ZNF804B: variants seen among roughly 807,000 people sequenced by gnomAD.
The protein encoded by ZNF804B is zinc finger protein 804B, also known as zinc finger 804B.
A neutral mutation model predicts 101.4 loss-of-function variants in ZNF804B; 80 were observed. That is an observed-to-expected ratio of 0.79 (90% CI 0.66 to 0.95). The LOEUF is 0.95. Among genes scored for constraint, ZNF804B ranks in the 40% least tolerant of loss-of-function variants. ZNF804B has a pLI of 0.00. For missense variants in ZNF804B, 1,673 were observed against 1,561.9 expected (o/e 1.07, Z -1.20); for synonymous variants, 622 against 558.8 (o/e 1.11, Z -1.59).
intron 1 of ZNF804B, among the ~76,000 whole-genome samples, chr7:89,067,992 G>A (rs191114699): frequency 6.6e-6 from 1 of 150,806 alleles, no homozygotes; most frequent in Admixed American, 6.6e-5. Context: ...CTTTTTTTGA[G>A]AGTGTTTATG....
At chr7:88,951,956 G>A (rs1006034623) in intron 1 of ZNF804B, among the ~76,000 whole-genome samples, 6 of 151,784 alleles carry the variant, frequency 4.0e-5, no homozygotes, top group African/African-American at 1.5e-4. Flanking sequence ...TATCCAGCTG[G>A]TAGTGGGTGG....
At chr7:88,850,592 G>A (rs975843508) in intron 1 of ZNF804B, among the ~76,000 whole-genome samples, 1 of 151,926 alleles carries the variant, frequency 6.6e-6, no homozygotes, top group Admixed American at 6.6e-5. Flanking sequence ...CCCCAGTGGG[G>A]CAAAATTTAC....
intron 1 of ZNF804B, among the ~76,000 whole-genome samples, chr7:89,197,405 A>G (rs939475771): frequency 6.6e-6 from 1 of 151,960 alleles, no homozygotes; most frequent in Non-Finnish European, 1.5e-5. Flanking sequence ...TGAAAATAAA[A>G]GTGACACTAC....
chr7:89,018,247 G>A (rs981342927), intron 1 of ZNF804B, among the ~76,000 whole-genome samples: 2 of 151,858 alleles, frequency 1.3e-5, no homozygotes, highest in Non-Finnish European at 2.9e-5. Context: ...GTTATCAAAT[G>A]TTTCTGCATC....
At chr7:89,029,023 G>C (rs975031189) in intron 1 of ZNF804B, among the ~76,000 whole-genome samples, 6 of 152,178 alleles carry the variant, frequency 3.9e-5, no homozygotes, top group Non-Finnish European at 7.3e-5. Flanking sequence ...CTATGAGCTT[G>C]ACATAGAACC....
chr7:89,170,791 A>G (rs963454577), intron 1 of ZNF804B, among the ~76,000 whole-genome samples: 49 of 152,240 alleles, frequency 3.2e-4, no homozygotes, highest in African/African-American at 1.1e-3. Flanking sequence ...TCTCCCCTAC[A>G]GGTGCCACCA....
intron 2 of ZNF804B, among the ~76,000 whole-genome samples, chr7:89,227,247 C>T (rs544318830): frequency 2.2e-4 from 34 of 152,292 alleles, no homozygotes; most frequent in African/African-American, 7.9e-4. Context: ...ATTCTACCCT[C>T]GCAGTTGATT....
intron 2 of ZNF804B, among the ~76,000 whole-genome samples, chr7:89,271,179 T>C (rs1406167052): frequency 6.6e-6 from 1 of 152,208 alleles, no homozygotes; most frequent in Non-Finnish European, 1.5e-5. Context: ...TTTTTGCTTA[T>C]TCAGTATGAT....
intron 1 of ZNF804B, among the ~76,000 whole-genome samples, chr7:89,196,245 A>G (rs377166373): frequency 3.1e-4 from 47 of 152,204 alleles, no homozygotes; most frequent in African/African-American, 1.1e-3. Flanking sequence ...TTTGGAAATA[A>G]GGCCACACAC....
At chr7:89,175,366 T>A (rs10265686) in intron 1 of ZNF804B, among the ~76,000 whole-genome samples, 7,291 of 152,154 alleles carry the variant, frequency 0.048, 555 homozygotes, top group African/African-American at 0.16. Context: ...GGCACCTTTG[T>A]CGAAAATGAG....
At chr7:89,035,986 G>T (rs1788920907) in intron 1 of ZNF804B, among the ~76,000 whole-genome samples, 1 of 137,974 alleles carries the variant, frequency 7.2e-6, no homozygotes. Flanking sequence ...TTGTAGTATA[G>T]TATATATTAT....
intron 1 of ZNF804B, among the ~76,000 whole-genome samples, chr7:88,955,649 A>G (rs529945913): frequency 6.6e-6 from 1 of 151,790 alleles, no homozygotes; most frequent in African/African-American, 2.4e-5. Flanking sequence ...AGACTCATCT[A>G]GTTAAAATAC....
intron 1 of ZNF804B, among the ~76,000 whole-genome samples, chr7:88,991,130 G>T (rs1302867731): frequency 6.6e-6 from 1 of 152,082 alleles, no homozygotes; most frequent in Non-Finnish European, 1.5e-5. Context: ...ACTACTTTTA[G>T]GTACAGAGGA....
chr7:89,016,456 T>C (rs1203059654), intron 1 of ZNF804B, among the ~76,000 whole-genome samples: 12 of 151,574 alleles, frequency 7.9e-5, no homozygotes, highest in Non-Finnish European at 1.8e-4. Context: ...TCTTCTAGGG[T>C]TTTTATGGTT....
intron 2 of ZNF804B, among the ~76,000 whole-genome samples, chr7:89,294,464 T>C (rs992356686): frequency 2.6e-5 from 4 of 152,182 alleles, no homozygotes; most frequent in African/African-American, 4.8e-5. Flanking sequence ...TTGGGTTTGT[T>C]TGTTCAGTGT....
chr7:88,859,919 A>C, intron 1 of ZNF804B, among the ~76,000 whole-genome samples: 1 of 151,886 alleles, frequency 6.6e-6, no homozygotes, highest in Non-Finnish European at 1.5e-5. Context: ...TATGTACTTC[A>C]AAAAGAATAA....
intron 1 of ZNF804B, among the ~76,000 whole-genome samples, chr7:88,883,511 C>G (rs1305262874): frequency 6.6e-6 from 1 of 152,126 alleles, no homozygotes; most frequent in Non-Finnish European, 1.5e-5. Flanking sequence ...TGTCCAAGCT[C>G]TTTTCCCCTT....
chr7:88,896,457 G>A (rs1424392370), intron 1 of ZNF804B, among the ~76,000 whole-genome samples: 5 of 152,058 alleles, frequency 3.3e-5, no homozygotes, highest in African/African-American at 7.2e-5. Context: ...TGGCAGGGGA[G>A]GGAAAGAAAT....
intron 1 of ZNF804B, among the ~76,000 whole-genome samples, chr7:89,206,953 C>G (rs1788723291): frequency 6.6e-6 from 1 of 152,186 alleles, no homozygotes; most frequent in Non-Finnish European, 1.5e-5. Flanking sequence ...ACAAGAGTCA[C>G]CATTGCTCCA....
Sources: gnomAD v4.1 joint callset for allele counts (sites outside exome capture counted in the v4.1 genomes callset) on GRCh38, gnomAD v4.1.1 for gene constraint, MANE v1.5 for transcripts, NCBI Gene and HGNC (gene_info 2026-07-23, HGNC 2026-07-21) for gene names.